Variants in GRIA3 observed in about 807,000 individuals in gnomAD.
The protein encoded by GRIA3 is glutamate ionotropic receptor AMPA type subunit 3.
GRIA3 carries 3 observed loss-of-function variants against 63.0 expected under a neutral mutation model. That is an observed-to-expected ratio of 0.05 (90% CI 0.02 to 0.12). The LOEUF (loss-of-function observed/expected upper bound fraction) is 0.12. Ranked by LOEUF, GRIA3 falls within the 10% of genes least tolerant of loss-of-function variation. The pLI is 1.00. For missense variants in GRIA3, 347 were observed against 700.9 expected (o/e 0.50, Z 5.70); for synonymous variants, 274 against 257.9 (o/e 1.06, Z -0.60).
At chrX:123,324,817 A>G (rs1358366098) in intron 3 of GRIA3, among the ~76,000 whole-genome samples, 1 of 111,498 alleles carries the variant, frequency 9.0e-6, no homozygotes, top group Non-Finnish European at 1.9e-5. Flanking sequence ...TTCAAATGTC[A>G]ATACCATTTT....
At chrX:123,338,412 C>T (rs1487992657) in intron 4 of GRIA3, among the ~76,000 whole-genome samples, 2 of 112,271 alleles carry the variant, frequency 1.8e-5, no homozygotes, top group Non-Finnish European at 3.8e-5. Flanking sequence ...TAATCTTAAA[C>T]CCCACAAAGA....
chrX:123,283,680 C>T (rs2044600434), intron 3 of GRIA3, among the ~76,000 whole-genome samples: 1 of 112,192 alleles, frequency 8.9e-6, no homozygotes, highest in Non-Finnish European at 1.9e-5. Context: ...GCAGCTGTAA[C>T]CAGACTCCCT....
intron 3 of GRIA3, among the ~76,000 whole-genome samples, chrX:123,271,797 C>T (rs1044656177): frequency 3.6e-5 from 4 of 112,230 alleles, no homozygotes; most frequent in African/African-American, 1.3e-4. Flanking sequence ...TGTTCAACAT[C>T]GCATTCCTAG....
At chrX:123,371,964 G>C (rs1235870509) in intron 5 of GRIA3, among the ~76,000 whole-genome samples, 1 of 111,237 alleles carries the variant, frequency 9.0e-6, no homozygotes, top group East Asian at 2.8e-4. Flanking sequence ...ACCAACGTCC[G>C]GGAGATTTTC....
chrX:123,257,138 A>G (rs2044424237), intron 3 of GRIA3, among the ~76,000 whole-genome samples: 1 of 111,439 alleles, frequency 9.0e-6, no homozygotes, highest in Non-Finnish European at 1.9e-5. Context: ...GGCATTGAAT[A>G]TAACTGCCTT....
intron 12 of GRIA3, among the ~76,000 whole-genome samples, chrX:123,441,490 C>T (rs2045673850): frequency 9.0e-6 from 1 of 111,360 alleles, no homozygotes; most frequent in South Asian, 3.8e-4. Flanking sequence ...TTAAAACTTA[C>T]ATTTTGCATG....
chrX:123,439,776 C>A (rs1248686202), intron 12 of GRIA3, among the ~76,000 whole-genome samples: 1 of 104,805 alleles, frequency 9.5e-6, no homozygotes, highest in Admixed American at 1.0e-4. Context: ...TTGTTACACT[C>A]AACTCATATT....
In GRIA3 at chrX:123,443,417, A is replaced by G. The variant is rs1362138304; in HGVS notation, c.2076+15278A>G. 2.3e-4 allele frequency among the ~76,000 whole-genome samples: 26 copies of G among 111,572 alleles called. No individual in the cohort carries two copies. The Admixed American group carries it at 2.5e-3, about 11-fold the overall frequency. On this transcript the variant is annotated intron_variant, in intron 12 of 15. Transcript: ENST00000620443. ...TCTTTCAGAGAGCCCCCTGATTCCT[A>G]TCCTAGAGGACTGCAGGTGGCCAGG... is the stretch of plus-strand genomic sequence containing the variant.
intron 3 of GRIA3, among the ~76,000 whole-genome samples, chrX:123,293,976 TC>T (rs1342863654): frequency 9.1e-6 from 1 of 110,165 alleles, no homozygotes; most frequent in African/African-American, 3.3e-5. Context: ...TCCAGATTTT[TC>T]AATTAAGCCA....
chrX:123,449,465 A>T (rs2045719305), intron 12 of GRIA3, among the ~76,000 whole-genome samples: 1 of 112,137 alleles, frequency 8.9e-6, no homozygotes, highest in Admixed American at 9.5e-5. Context: ...AAGCTTCTGT[A>T]ACTTGAGCTT....
chrX:123,458,234 C>T (rs1030338899), intron 12 of GRIA3, among the ~76,000 whole-genome samples: 8 of 108,694 alleles, frequency 7.4e-5, no homozygotes, highest in Non-Finnish European at 1.3e-4. Flanking sequence ...ACCCGTGGTG[C>T]GGTGACAAAA....
intron 5 of GRIA3, among the ~76,000 whole-genome samples, chrX:123,383,274 T>C (rs1487847318): frequency 8.9e-6 from 1 of 112,029 alleles, no homozygotes; most frequent in African/African-American, 3.2e-5. Flanking sequence ...ATCATTTCTG[T>C]GTGTTCGGAA....
At chrX:123,394,113 G>A (rs770887398) in intron 5 of GRIA3, among the ~76,000 whole-genome samples, 1 of 112,369 alleles carries the variant, frequency 8.9e-6, no homozygotes, top group Non-Finnish European at 1.9e-5. Flanking sequence ...TGTAATCCCA[G>A]CACTTTGGGA....
chrX:123,334,467 A>C (rs1665918801), intron 4 of GRIA3, among the ~76,000 whole-genome samples: 1 of 111,624 alleles, frequency 9.0e-6, no homozygotes, highest in South Asian at 3.7e-4. Flanking sequence ...AGAAAAAAAA[A>C]ACTTTTTCAA....
At chrX:123,243,465 A>G (rs1379158736) in intron 2 of GRIA3, among the ~76,000 whole-genome samples, 2 of 111,698 alleles carry the variant, frequency 1.8e-5, no homozygotes, top group Non-Finnish European at 3.8e-5. Flanking sequence ...CCTCAAATGC[A>G]TCAAATGCAT....
At chrX:123,426,878 A>G (rs2147400066) in intron 11 of GRIA3, among the ~76,000 whole-genome samples, 1 of 112,255 alleles carries the variant, frequency 8.9e-6, no homozygotes, top group East Asian at 2.8e-4. Context: ...CGTGATTCCA[A>G]TAGAATTTCT....
intron 2 of GRIA3, chrX:123,202,664 G>T: frequency 8.6e-7 from 1 of 1,166,561 alleles, no homozygotes; most frequent in Non-Finnish European, 1.1e-6. Context: ...ACCTGCCTTG[G>T]CCAGGAAGCA....
At chrX:123,420,652 C>T (rs1333633528) in intron 11 of GRIA3, among the ~76,000 whole-genome samples, 4 of 110,175 alleles carry the variant, frequency 3.6e-5, no homozygotes, top group African/African-American at 1.3e-4. Context: ...TGTGGTATCC[C>T]CATTGGAGTG....
At chrX:123,219,197 C>T (rs1320057400) in intron 2 of GRIA3, among the ~76,000 whole-genome samples, 1 of 112,163 alleles carries the variant, frequency 8.9e-6, no homozygotes, top group Admixed American at 9.4e-5. Flanking sequence ...GTCAAGAATC[C>T]ACTCACAGGC....
Sources: allele counts gnomAD v4.1 joint callset (sites outside exome capture counted in the v4.1 genomes callset), GRCh38; gene constraint gnomAD v4.1.1; transcripts MANE v1.5; gene names NCBI Gene and HGNC (gene_info 2026-07-23, HGNC 2026-07-21).